IQCH: variants seen among roughly 807,000 people sequenced by gnomAD.
The protein encoded by IQCH is IQ motif containing H.
A neutral mutation model predicts 117.0 loss-of-function variants in IQCH; 98 were observed. That is an observed-to-expected ratio of 0.84 (90% confidence interval 0.71 to 0.99). The LOEUF (loss-of-function observed/expected upper bound fraction) is 0.99. IQCH is among the 50% of genes least tolerant of loss of function. The pLI, the probability that IQCH is intolerant of heterozygous loss-of-function variation, is 0.00. For synonymous variants in IQCH, 412 were observed against 448.2 expected (o/e 0.92, Z 1.02); for missense variants, 1,102 against 1,243.8 (o/e 0.89, Z 1.72).
At chr15:67,289,614 G>C (rs1163650587) in intron 4 of IQCH, among the ~76,000 whole-genome samples, 1 of 152,136 alleles carries the variant, frequency 6.6e-6, no homozygotes, top group Non-Finnish European at 1.5e-5. Context: ...ATACAGTGTT[G>C]AATCTGAGAT....
intron 16 of IQCH, among the ~76,000 whole-genome samples, chr15:67,439,561 C>T (rs1443144010): frequency 1.3e-5 from 2 of 152,016 alleles, no homozygotes; most frequent in Non-Finnish European, 2.9e-5. Flanking sequence ...CAGAGCAGAA[C>T]TACATGAAAT....
At chr15:67,286,227 C>G (rs1234308070) in intron 4 of IQCH, among the ~76,000 whole-genome samples, 1 of 151,978 alleles carries the variant, frequency 6.6e-6, no homozygotes, top group Admixed American at 6.6e-5. Context: ...ATTTCTTTTT[C>G]ACATTGTTCG....
intron 4 of IQCH, among the ~76,000 whole-genome samples, chr15:67,285,299 G>T: frequency 6.7e-6 from 1 of 149,718 alleles, no homozygotes; most frequent in East Asian, 2.0e-4. Context: ...ACTTTTTAAT[G>T]TTTTTTTTTT....
chr15:67,454,307 G>A lies in IQCH; in HGVS notation c.2506-10820G>A, dbSNP rs541587061. Reference sequence around the variant, plus strand: ...TCAGTTGGAAATGCAGAAATCACCCGTCTTCTGCGTCGCTCACGCTGGGAG... The same window carrying A: ...TCAGTTGGAAATGCAGAAATCACCCATCTTCTGCGTCGCTCACGCTGGGAG... On this transcript the variant is annotated intron_variant, in intron 16 of 20. Transcript: ENST00000335894. The surrounding 1 kb of genome is among the most constrained non-coding windows in gnomAD (Gnocchi z 5.2). Among the ~76,000 whole-genome samples the A allele has an allele frequency of 3.9e-5, 6 of 152,292 alleles. No individual in the cohort carries two copies. In the South Asian group the frequency reaches 6.2e-4, roughly 16 times the overall value.
At chr15:67,285,438 T>A (rs1287725648) in intron 4 of IQCH, among the ~76,000 whole-genome samples, 2 of 152,164 alleles carry the variant, frequency 1.3e-5, no homozygotes, top group East Asian at 3.8e-4. Flanking sequence ...CTGGAGCTCT[T>A]TAGTTTAATT....
At chr15:67,484,463 G>T (rs2141071879) in intron 18 of IQCH, among the ~76,000 whole-genome samples, 1 of 151,624 alleles carries the variant, frequency 6.6e-6, no homozygotes, top group Admixed American at 6.6e-5. Context: ...GGGCGCTGTG[G>T]CTCATCCCTG....
At position 67,500,915 on chromosome 15, in the gene IQCH, G is replaced by T. The variant is rs1596514541; in HGVS notation, c.*169G>T. On this transcript the variant is annotated 3_prime_UTR_variant, in exon 21 of 21. Transcript: ENST00000335894. This position sits in a 1 kb window ranked among gnomAD's most constrained non-coding sequence, Gnocchi z 4.4. ...CTTTTTAAAACATTGTTTATTAAGTGATCTTATTTTATTTATTAAACCAAA... is the reference window on the plus strand; with the variant it reads ...CTTTTTAAAACATTGTTTATTAAGTTATCTTATTTTATTTATTAAACCAAA... 2.5e-6 allele frequency: 1 copy of T among 400,660 alleles called. No individual in the cohort carries two copies. 24.8% of individuals were successfully genotyped at this position (400,660 alleles called of 1,614,324 possible).
chr15:67,463,537 A>T lies in IQCH; in HGVS notation c.2506-1590A>T, dbSNP rs2082852974. Among the ~76,000 whole-genome samples the T allele has an allele frequency of 6.6e-6, 1 of 152,194 alleles. No individual in the cohort carries two copies. The highest frequency in any genetic ancestry group is 2.1e-4 in the South Asian group (1 of 4,822). Reference sequence around the variant, plus strand: ...CTCAGTGGATTTGGGTACCTCCCTGAACCTCAGTTTCTTCATCTGTGACAT... The same window carrying T: ...CTCAGTGGATTTGGGTACCTCCCTGTACCTCAGTTTCTTCATCTGTGACAT... On this transcript the variant is annotated intron_variant, in intron 16 of 20. Transcript: ENST00000335894. This position sits in a 1 kb window ranked among gnomAD's most constrained non-coding sequence, Gnocchi z 4.0.
At chr15:67,327,877 C>A (rs751116045) in intron 4 of IQCH, among the ~76,000 whole-genome samples, 1 of 152,056 alleles carries the variant, frequency 6.6e-6, no homozygotes, top group Admixed American at 6.6e-5. Context: ...TTGCAATTTC[C>A]TCATTTCTAT....
intron 3 of IQCH, among the ~76,000 whole-genome samples, chr15:67,263,445 A>G (rs1007505225): frequency 6.6e-6 from 1 of 152,216 alleles, no homozygotes; most frequent in Non-Finnish European, 1.5e-5. Flanking sequence ...TCAACAGTAG[A>G]TACATGGAAC....
chr15:67,359,986 G>C lies in IQCH; in HGVS notation c.753+101G>C. On this transcript the variant is annotated intron_variant, in intron 8 of 20. Transcript: ENST00000335894. This position sits in a 1 kb window ranked among gnomAD's most constrained non-coding sequence, Gnocchi z 4.5. ...TATGGGTGACTGCTTGACAGCTGGA[G>C]ATGGCAACAAAAGTTCGTGCTTCCT... 2 of 824,412 alleles carry C rather than the reference G, an allele frequency of 2.4e-6. No homozygotes were observed. The allele number at this position is 824,412 out of a possible 1,614,324, so 51.1% of individuals were successfully genotyped here. A position where few individuals can be genotyped will look rare whatever the true frequency, so the allele number is the denominator to read the frequency against.
chr15:67,468,098 G>A (rs1394629188), intron 17 of IQCH, among the ~76,000 whole-genome samples: 1 of 152,114 alleles, frequency 6.6e-6, no homozygotes, highest in Non-Finnish European at 1.5e-5. Flanking sequence ...AAAAGGAATC[G>A]CCTAACAGTG....
intron 4 of IQCH, among the ~76,000 whole-genome samples, chr15:67,301,254 A>G (rs1337347412): frequency 2.0e-5 from 3 of 151,908 alleles, no homozygotes; most frequent in South Asian, 2.1e-4. Context: ...TCTGTAATTC[A>G]TTTTCTTGAA....
At chr15:67,308,027 G>C (rs988447662) in intron 4 of IQCH, among the ~76,000 whole-genome samples, 16 of 152,184 alleles carry the variant, frequency 1.1e-4, no homozygotes, top group African/African-American at 3.6e-4. Context: ...ACAAAACTCA[G>C]TGCCTGATTG....
intron 16 of IQCH, among the ~76,000 whole-genome samples, chr15:67,455,449 A>G (rs1241398779): frequency 6.6e-6 from 1 of 152,224 alleles, no homozygotes; most frequent in African/African-American, 2.4e-5. Flanking sequence ...CAGACAGTCC[A>G]TATTTCTTGC....
chr15:67,284,560 A>C (rs1157756321), intron 4 of IQCH, among the ~76,000 whole-genome samples: 1 of 152,142 alleles, frequency 6.6e-6, no homozygotes, highest in Non-Finnish European at 1.5e-5. Context: ...TTCATCACCC[A>C]GGTATTAAGC....
chr15:67,269,586 TTC>T (rs954713609), intron 3 of IQCH, among the ~76,000 whole-genome samples: 1 of 152,156 alleles, frequency 6.6e-6, no homozygotes, highest in African/African-American at 2.4e-5. Context: ...GTTTTATTTC[TTC>T]TCTCTAACTG....
At chr15:67,328,747 G>A (rs1174205373) in intron 4 of IQCH, among the ~76,000 whole-genome samples, 1 of 152,090 alleles carries the variant, frequency 6.6e-6, no homozygotes, top group Non-Finnish European at 1.5e-5. Context: ...ACAATAACAT[G>A]GTGAATCTCA....
intron 4 of IQCH, among the ~76,000 whole-genome samples, chr15:67,309,441 C>A (rs1967475574): frequency 6.6e-6 from 1 of 152,118 alleles, no homozygotes; most frequent in South Asian, 2.1e-4. Flanking sequence ...TCCTCCCCTG[C>A]ACCAAGCAGT....
Sources: allele counts gnomAD v4.1 joint callset (sites outside exome capture counted in the v4.1 genomes callset), GRCh38; gene constraint gnomAD v4.1.1; non-coding constraint Gnocchi (gnomAD v3.1); transcripts MANE v1.5; gene names NCBI Gene and HGNC (gene_info 2026-07-23, HGNC 2026-07-21).